TRAP1: variants seen among roughly 807,000 people sequenced by gnomAD.
TRAP1 encodes the protein heat shock protein 75 kDa, mitochondrial.
TRAP1 carries 102 observed loss-of-function variants against 89.1 expected under a neutral mutation model. That is an observed-to-expected ratio of 1.15 (90% confidence interval 0.98 to 1.35). The LOEUF is 1.35. Among genes scored for constraint, TRAP1 ranks in the 40% most tolerant of loss-of-function variants. The probability of loss-of-function intolerance (pLI) is 0.00; values close to 1 mark genes in which losing one functional copy is unlikely to be tolerated. For synonymous variants in TRAP1, 508 were observed against 388.0 expected (o/e 1.31, Z -3.64); for missense variants, 1,256 against 945.3 (o/e 1.33, Z -4.31).
chr16:3,711,229 G>C (rs1463151017), intron 1 of TRAP1, among the ~76,000 whole-genome samples: 2 of 151,900 alleles, frequency 1.3e-5, no homozygotes, highest in Admixed American at 1.3e-4. Flanking sequence ...AAGTAACTGA[G>C]CCATTCCTTT....
chr16:3,681,927 G>T (rs537652483), intron 4 of TRAP1, among the ~76,000 whole-genome samples: 5 of 152,274 alleles, frequency 3.3e-5, no homozygotes, highest in Admixed American at 6.5e-5. Flanking sequence ...GAACGAAGTT[G>T]GAGAATTTAA....
chr16:3,706,456 C>CTTTTTT (rs34658116), intron 1 of TRAP1, among the ~76,000 whole-genome samples: 2 of 98,970 alleles, frequency 2.0e-5, no homozygotes, highest in Non-Finnish European at 3.9e-5. Context: ...TATTTGCACT[C>CTTTTTT]TTTTTTTTTT....
chr16:3,685,417 AC>A (rs2051125931), intron 4 of TRAP1, among the ~76,000 whole-genome samples: 1 of 152,064 alleles, frequency 6.6e-6, no homozygotes, highest in South Asian at 2.1e-4. Flanking sequence ...GCAAGCCAGC[AC>A]CCTAAAAGGG....
chr16:3,665,802 C>T (rs923160346), intron 12 of TRAP1, among the ~76,000 whole-genome samples, 169 bp downstream of exon 12: 4 of 152,168 alleles, frequency 2.6e-5, no homozygotes, highest in Admixed American at 2.6e-4. Context: ...TGGAAGGTGC[C>T]AGAGGCCCAG....
chr16:3,704,226 T>C (rs1247132719), intron 1 of TRAP1: 1 of 152,068 alleles, frequency 6.6e-6, no homozygotes, highest in African/African-American at 2.4e-5. Flanking sequence ...ACACCTGTAA[T>C]CTTAGCTACT....
chr16:3,707,909 G>GTA (rs2051472566), intron 1 of TRAP1, among the ~76,000 whole-genome samples: 1 of 151,656 alleles, frequency 6.6e-6, no homozygotes, highest in Non-Finnish European at 1.5e-5. Flanking sequence ...TGGGGGCCAG[G>GTA]CACGACGGCT....
At chr16:3,681,179 A>C (rs1046278368) in intron 4 of TRAP1, among the ~76,000 whole-genome samples, 7 of 152,306 alleles carry the variant, frequency 4.6e-5, no homozygotes, top group South Asian at 4.1e-4. Context: ...CCAAGCCTCC[A>C]CATCTATGAA....
intron 1 of TRAP1, among the ~76,000 whole-genome samples, chr16:3,714,630 G>C (rs374181445): frequency 7.9e-5 from 12 of 152,288 alleles, no homozygotes; most frequent in East Asian, 3.9e-4. Flanking sequence ...CTGCACTCCA[G>C]CCTGGGCAAC....
intron 3 of TRAP1, 77 bp from the exon 4 acceptor site, chr16:3,686,213 C>T: frequency 6.6e-7 from 1 of 1,505,992 alleles, no homozygotes; most frequent in South Asian, 1.2e-5. Flanking sequence ...GCTGCACTTC[C>T]AATAACTGTT....
intron 3 of TRAP1, among the ~76,000 whole-genome samples, chr16:3,688,097 A>G (rs2051162193): frequency 6.6e-6 from 1 of 152,090 alleles, no homozygotes; most frequent in South Asian, 2.1e-4. Context: ...CCTTCCAGCA[A>G]TAATCAGCAT....
In TRAP1 at chr16:3,658,841, A is replaced by AT. The variant is rs1236943385; in HGVS notation, c.1964dup (p.Asn655LysfsTer30). On this transcript the variant is annotated frameshift_variant, in exon 17 of 18. Transcript: ENST00000246957. LOFTEE classifies it high-confidence loss of function. The stretch of plus-strand genomic sequence containing the variant: ...GGCCAGGCTCGCTTGCGCGCAGCTG[A>AT]TTCAGCTTCTTGATGAGCGCGTGCC... 3 of 1,613,902 alleles carry AT rather than the reference A, an allele frequency of 1.9e-6. No individual in the cohort carries two copies. The African/African-American group carries it at 4.0e-5, about 22-fold the overall frequency.
chr16:3,678,501 T>C (rs563187462), intron 5 of TRAP1: 1 of 152,364 alleles, frequency 6.6e-6, no homozygotes, highest in East Asian at 1.9e-4. Flanking sequence ...TGTCGCTCTG[T>C]CGCGCAGGCT....
chr16:3,664,844 G>C (rs3751843), intron 12 of TRAP1: 9,736 of 198,212 alleles, frequency 0.049, 317 homozygotes, highest in Admixed American at 0.061. Context: ...CACGGTTCCC[G>C]GCCCTCCTCA....
In TRAP1 at chr16:3,666,133, T is replaced by C. The variant is rs1437525846; in HGVS notation, c.1236-15A>G. 1.6e-5 allele frequency: 26 copies of C among 1,608,294 alleles called. No homozygotes were observed. The highest frequency in any genetic ancestry group is 2.1e-5 in the Non-Finnish European group (25 of 1,177,994). ...CCCGGAGTTTCCTACAGAAAAGAAA[T>C]GCATTTAATACATACAAGCAGCCTC... is the stretch of plus-strand genomic sequence containing the variant. On this transcript the variant is annotated splice_polypyrimidine_tract_variant and intron_variant, in intron 11 of 17. Transcript: ENST00000246957.
Position 3,675,373 on chromosome 16 carries a change from A to G in TRAP1, c.839T>C (p.Phe280Ser). The change falls in exon 8 of 18, where the codon TTC becomes TCC. Residue 280 changes from phenylalanine (F) to serine (S), a missense_variant. Phe to Ser is a radical substitution (Grantham distance 155, BLOSUM62 -2). Coordinates refer to ENST00000246957, the MANE Select transcript of TRAP1 (RefSeq NM_016292.3). ...ATTCAAGTACAAGGGGAAGCTGACG[A>G]AGTTGCTGTACTTCGTTACCACATC... is the stretch of plus-strand genomic sequence containing the variant. ...VRDVVTKYSN[F>S]VSFPLYLNGR... 1 of 1,614,136 alleles carries G rather than the reference A, an allele frequency of 6.2e-7. No individual in the cohort carries two copies. The highest frequency in any genetic ancestry group is 8.5e-7 in the Non-Finnish European group (1 of 1,179,982).
intron 4 of TRAP1, among the ~76,000 whole-genome samples, chr16:3,682,111 A>T (rs1202407475): frequency 6.6e-6 from 1 of 152,198 alleles, no homozygotes; most frequent in Non-Finnish European, 1.5e-5. Context: ...ATGGGGGATG[A>T]TAGGTCTATT....
At chr16:3,663,188 T>G in intron 14 of TRAP1, 1 of 668,304 alleles carries the variant, frequency 1.5e-6, no homozygotes, top group Non-Finnish European at 2.5e-6. Context: ...ACACAGCCTC[T>G]CAAGAAGCTG....
intron 1 of TRAP1, among the ~76,000 whole-genome samples, chr16:3,710,876 TA>T (rs558487030): frequency 0.32 from 34,446 of 108,224 alleles, 4,696 homozygotes; most frequent in African/African-American, 0.42. Context: ...TATATATATA[TA>T]TATTTTTTTT....
intron 1 of TRAP1, among the ~76,000 whole-genome samples, chr16:3,709,440 G>C (rs1224628510): frequency 2.6e-5 from 4 of 152,182 alleles, no homozygotes; most frequent in African/African-American, 9.7e-5. Flanking sequence ...GAAGGTGTGA[G>C]AAACTGTTGG....
Sources: allele counts gnomAD v4.1 joint callset (sites outside exome capture counted in the v4.1 genomes callset), GRCh38; gene constraint gnomAD v4.1.1; transcripts MANE v1.5; gene names NCBI Gene and HGNC (gene_info 2026-07-23, HGNC 2026-07-21).